The following GNE variants were observed in gnomAD, a reference collection of about 807,000 sequenced individuals.
GNE encodes bifunctional UDP-N-acetylglucosamine 2-epimerase/N-acetylmannosamine kinase.
In GNE, 41 loss-of-function variants were observed where a neutral mutation model predicts 61.8. That is an observed-to-expected ratio of 0.66 (90% CI 0.52 to 0.86). GNE has a LOEUF of 0.86. Among genes scored for constraint, GNE ranks in the 40% least tolerant of loss-of-function variants. The pLI, the probability that GNE is intolerant of heterozygous loss-of-function variation, is 0.00. For missense variants in GNE, 608 were observed against 909.1 expected (o/e 0.67, Z 4.26); for synonymous variants, 264 against 326.4 (o/e 0.81, Z 2.06).
intron 5 of GNE, among the ~76,000 whole-genome samples, chr9:36,232,251 A>C (rs1178404858): frequency 1.3e-5 from 2 of 151,784 alleles, no homozygotes; most frequent in African/African-American, 2.4e-5. Flanking sequence ...CATCTCTAAT[A>C]CTTCATCAAA....
At chr9:36,262,892 A>G (rs1830655479), upstream of GNE, among the ~76,000 whole-genome samples, 1 of 152,196 alleles carries the variant, frequency 6.6e-6, no homozygotes, top group Admixed American at 6.6e-5. Context: ...TAGCCTAAAC[A>G]TTTCTAAACT....
In GNE at chr9:36,218,375, G is replaced by A. The variant is rs1049028666; in HGVS notation, c.1817-76C>T. Reference sequence around the variant, plus strand: ...AAGCTCACCACTGGGCCTGTGGAAAGCAAGCCCCTACATGGGAAGACGGTG... The same window carrying A: ...AAGCTCACCACTGGGCCTGTGGAAAACAAGCCCCTACATGGGAAGACGGTG... On this transcript the variant is annotated intron_variant, in intron 10 of 11. Coordinates refer to ENST00000642385, the MANE Select transcript of GNE (RefSeq NM_005476.7). The surrounding 1 kb of genome is among the most constrained non-coding windows in gnomAD (Gnocchi z 4.1). 9.9e-7 allele frequency: 1 copy of A among 1,014,724 alleles called. No individual in the cohort carries two copies. The highest frequency in any genetic ancestry group is 1.6e-5 in the African/African-American group (1 of 63,682). 62.9% of individuals were successfully genotyped at this position (1,014,724 alleles called of 1,614,324 possible). A position where few individuals can be genotyped will look rare whatever the true frequency, so the allele number is the denominator to read the frequency against.
upstream of GNE, among the ~76,000 whole-genome samples, chr9:36,261,368 C>A (rs1335499401): frequency 6.6e-6 from 1 of 151,544 alleles, no homozygotes; most frequent in Non-Finnish European, 1.5e-5. Flanking sequence ...ACCAGCCTGG[C>A]CAACATGGTG....
chr9:36,241,074 C>T (rs1157616820), intron 3 of GNE, among the ~76,000 whole-genome samples: 1 of 150,996 alleles, frequency 6.6e-6, no homozygotes, highest in Non-Finnish European at 1.5e-5. Flanking sequence ...AATGGTCTAA[C>T]AGTTTTATTT....
Position 36,223,003 on chromosome 9 carries a change from G to A in GNE, c.1412-5C>T, listed in dbSNP as rs369078814. The stretch of plus-strand genomic sequence containing the variant: ...CACGGCCACCTGTGGAAATGCCTGC[G>A]CTCCACCACAAACACAAGGAAATAA... On this transcript the variant is annotated splice_polypyrimidine_tract_variant and splice_region_variant and intron_variant, in intron 8 of 11. Coordinates refer to ENST00000642385, the MANE Select transcript of GNE (RefSeq NM_005476.7). 198 of 1,611,684 alleles carry A rather than the reference G, an allele frequency of 1.2e-4. No individual in the cohort carries two copies. In the South Asian group the frequency reaches 1.6e-3, roughly 13 times the overall value.
intron 1 of GNE, among the ~76,000 whole-genome samples, chr9:36,271,865 G>GT (rs1208359119): frequency 6.6e-6 from 1 of 152,054 alleles, no homozygotes; most frequent in African/African-American, 2.4e-5. Context: ...GCCCTGTTTG[G>GT]TATGCTTGTC....
rs71531220 is a variant in GNE at position 36,216,968 on chromosome 9, G to A, written c.*397C>T. 5.4e-5 allele frequency: 16 copies of A among 298,074 alleles called. No individual in the cohort carries two copies. Among genetic ancestry groups the A allele is most frequent in the South Asian group, 2.9e-4 (9 of 31,074 alleles). The allele number at this position is 298,074 out of a possible 1,614,324, so 18.5% of individuals were successfully genotyped here. ...ATTACAGGCGTGAGCCACTGTGCCC[G>A]GCCTGGAAGGATTATTAATGCAAAC... On this transcript the variant is annotated 3_prime_UTR_variant, in exon 12 of 12. Transcript: ENST00000642385.
Position 36,239,817 on chromosome 9 carries a change from C to G in GNE, c.617-2833G>C, listed in dbSNP as rs568647222. Among the ~76,000 whole-genome samples the G allele has an allele frequency of 1.5e-4, 23 of 151,342 alleles. 1 individual carries two copies. Among genetic ancestry groups the G allele is most frequent in the African/African-American group, 3.9e-4 (16 of 41,348 alleles). ...GTTTTGTAATATCCCTTGTAGAGGT[C>G]TTTTGACTCCTTGGTTAGGTATATT... On this transcript the variant is annotated intron_variant, in intron 3 of 11. Transcript: ENST00000642385.
At chr9:36,248,443 T>A (rs4879966) in intron 2 of GNE, among the ~76,000 whole-genome samples, 75,420 of 151,070 alleles carry the variant, frequency 0.5, 19,973 homozygotes, top group Non-Finnish European at 0.6. Flanking sequence ...GCCTCCCGAG[T>A]AGCTAGGACT....
intron 1 of GNE, among the ~76,000 whole-genome samples, chr9:36,267,075 G>A (rs568387800): frequency 1.3e-5 from 2 of 152,214 alleles, no homozygotes; most frequent in African/African-American, 4.8e-5. Flanking sequence ...CAAAAAAAGA[G>A]ATTATATTGG....
intron 1 of GNE, 110 bp downstream of exon 1, chr9:36,258,211 G>C: frequency 1.9e-6 from 1 of 518,382 alleles, no homozygotes; most frequent in Non-Finnish European, 2.5e-6. Flanking sequence ...GGGCGCGGTG[G>C]GGTGGAAAGC....
At chr9:36,230,511 G>A (rs1269627787) in intron 5 of GNE, among the ~76,000 whole-genome samples, 2 of 151,316 alleles carry the variant, frequency 1.3e-5, no homozygotes, top group African/African-American at 4.9e-5. Context: ...CCTGGCTGGA[G>A]TGTAGTGGCA....
At chr9:36,276,077 G>A (rs1044192406) in intron 1 of GNE, among the ~76,000 whole-genome samples, 11 of 152,064 alleles carry the variant, frequency 7.2e-5, no homozygotes, top group Non-Finnish European at 1.0e-4. Flanking sequence ...GGAGGCTGAG[G>A]CAGGAGGATC....
chr9:36,269,835 T>C (rs1022833433), intron 1 of GNE, among the ~76,000 whole-genome samples: 6 of 152,166 alleles, frequency 3.9e-5, no homozygotes, highest in Non-Finnish European at 8.8e-5. Context: ...CTAATTTTTG[T>C]ATTTTTAGTA....
chr9:36,271,543 T>A (rs1831028657), intron 1 of GNE, among the ~76,000 whole-genome samples: 1 of 152,112 alleles, frequency 6.6e-6, no homozygotes, highest in African/African-American at 2.4e-5. Flanking sequence ...CTGGCTAATT[T>A]CTGTATTTTT....
chr9:36,264,734 C>T (rs976069954), intron 1 of GNE, among the ~76,000 whole-genome samples: 3 of 152,132 alleles, frequency 2.0e-5, no homozygotes, highest in African/African-American at 2.4e-5. Context: ...AGCTCACACC[C>T]GACCAATCAG....
chr9:36,238,915 A>G (rs1168851817), intron 3 of GNE, among the ~76,000 whole-genome samples: 1 of 152,164 alleles, frequency 6.6e-6, no homozygotes, highest in African/African-American at 2.4e-5. Flanking sequence ...GTATAAGGTG[A>G]GAGATGAGGA....
At chr9:36,258,621 C>T (rs1830498858), upstream of GNE, 3 of 605,770 alleles carry the variant, frequency 5.0e-6, no homozygotes, top group South Asian at 7.2e-5. Flanking sequence ...GGGTGCTGAC[C>T]AGCGGACCAT....
chr9:36,242,872 T>TG (rs2133100161), intron 3 of GNE, among the ~76,000 whole-genome samples: 1 of 151,444 alleles, frequency 6.6e-6, no homozygotes, highest in African/African-American at 2.4e-5. Flanking sequence ...CCTGAGTAGC[T>TG]GGGAGTACAG....
Sources: gnomAD v4.1 joint callset for allele counts (sites outside exome capture counted in the v4.1 genomes callset) on GRCh38, gnomAD v4.1.1 for gene constraint, Gnocchi (gnomAD v3.1) non-coding constraint, MANE v1.5 for transcripts, NCBI Gene and HGNC (gene_info 2026-07-23, HGNC 2026-07-21) for gene names.